The following DDX60L variants were observed in gnomAD, a reference collection of about 807,000 sequenced individuals.
DDX60L encodes the protein probable ATP-dependent RNA helicase DDX60-like.
In DDX60L, 191 loss-of-function variants were observed where a neutral mutation model predicts 211.6. That is an observed-to-expected ratio of 0.90 (90% confidence interval 0.80 to 1.02). The LOEUF (loss-of-function observed/expected upper bound fraction) is 1.02. Ranked by LOEUF, DDX60L falls within the 50% of genes least tolerant of loss-of-function variation. The probability of loss-of-function intolerance (pLI) is 0.00; values close to 1 mark genes in which losing one functional copy is unlikely to be tolerated. For missense variants in DDX60L, 2,007 were observed against 1,984.1 expected (o/e 1.01, Z -0.22); for synonymous variants, 706 against 694.1 (o/e 1.02, Z -0.27).
Position 168,465,674 on chromosome 4 carries a change from T to C in DDX60L, c.265-3634A>G, listed in dbSNP as rs528978394. ...TCCATTTTGAATTGATTTTTTAATA[T>C]AGTGAAAGTGAGGGTTCAGTTTCAT... On this transcript the variant is annotated intron_variant, in intron 4 of 37. Coordinates refer to ENST00000682922, the MANE Select transcript of DDX60L (RefSeq NM_001012967.3). Among the ~76,000 whole-genome samples the C allele has an allele frequency of 3.3e-5, 5 of 152,284 alleles. No homozygotes were observed. In the South Asian group the frequency reaches 1.0e-3, roughly 32 times the overall value.
At chr4:168,430,669 G>A (rs1752205595) in intron 12 of DDX60L, 31 bp from the exon 13 acceptor site, 5 of 1,453,612 alleles carry the variant, frequency 3.4e-6, no homozygotes, top group Non-Finnish European at 4.6e-6. Context: ...ATGTAAACAT[G>A]TATTTTAAAA....
In DDX60L at chr4:168,421,015, A is replaced by G. The variant is rs867183250; in HGVS notation, c.2395-635T>C. 2.6e-5 allele frequency among the ~76,000 whole-genome samples: 4 copies of G among 152,208 alleles called. No homozygotes were observed. In the South Asian group the frequency reaches 8.3e-4, roughly 32 times the overall value. On this transcript the variant is annotated intron_variant, in intron 17 of 37. Coordinates refer to ENST00000682922, the MANE Select transcript of DDX60L (RefSeq NM_001012967.3). ...ATCCAGCATTTCAGGTATTTTACACAAAGAGATTTTTCTGTTGACCTATAT... is the reference window on the plus strand; with the variant it reads ...ATCCAGCATTTCAGGTATTTTACACGAAGAGATTTTTCTGTTGACCTATAT...
intron 9 of DDX60L, among the ~76,000 whole-genome samples, chr4:168,446,902 A>C (rs1329838918): frequency 9.2e-6 from 1 of 108,178 alleles, no homozygotes. Context: ...AAAGACTTAA[A>C]CGTTAGACCT....
chr4:168,469,674 T>C (rs10004570), intron 4 of DDX60L: 109,430 of 151,978 alleles, frequency 0.72, 40,655 homozygotes, highest in East Asian at 0.88. Flanking sequence ...GTCCGGAGAT[T>C]GAGACCATCC....
intron 17 of DDX60L, 34 bp from the exon 18 acceptor site, chr4:168,420,414 A>C: frequency 1.3e-6 from 2 of 1,580,860 alleles, no homozygotes; most frequent in Non-Finnish European, 1.7e-6. Context: ...TTAGTCACTT[A>C]GTAGAGAAGA....
intron 28 of DDX60L, among the ~76,000 whole-genome samples, chr4:168,393,818 T>C (rs1481671843): frequency 6.6e-6 from 1 of 152,220 alleles, no homozygotes; most frequent in Non-Finnish European, 1.5e-5. Flanking sequence ...TGTATAGTCA[T>C]TTATACTAAA....
intron 13 of DDX60L, among the ~76,000 whole-genome samples, chr4:168,427,722 T>G (rs1360453600): frequency 1.3e-5 from 2 of 152,198 alleles, no homozygotes; most frequent in Non-Finnish European, 2.9e-5. Context: ...CAGATCCCAC[T>G]CGCTCTTTGG....
At chr4:168,390,639 G>GT (rs34009039) in intron 29 of DDX60L, 294,063 of 447,034 alleles carry the variant, frequency 0.66, 78,651 homozygotes, top group Admixed American at 0.72. Flanking sequence ...ATTATTGTCA[G>GT]TTTTTTTTTT....
chr4:168,447,574 T>C (rs1041915013), intron 9 of DDX60L, among the ~76,000 whole-genome samples: 5 of 151,934 alleles, frequency 3.3e-5, no homozygotes, highest in African/African-American at 7.2e-5. Flanking sequence ...TATAAAGACA[T>C]ATGCACACAT....
chr4:168,410,843 G>A (rs145147864), intron 22 of DDX60L, among the ~76,000 whole-genome samples: 6 of 152,242 alleles, frequency 3.9e-5, no homozygotes, highest in East Asian at 1.9e-4. Context: ...TGGGAACTTC[G>A]GACATGAATG....
At chr4:168,361,322 C>T (rs1282199003) in intron 36 of DDX60L, 111 bp from the exon 37 acceptor site, 3 of 660,544 alleles carry the variant, frequency 4.5e-6, no homozygotes, top group Non-Finnish European at 5.3e-6. Context: ...CTGCCAAATG[C>T]ACTCCCAGTT....
chr4:168,377,773 C>T lies in DDX60L; in HGVS notation c.4485+581G>A, dbSNP rs374162510. ...AGGGTTACTGGATAGAAACAAGCTT[C>T]TTCTACATTCCCAGGTTCTAATGCA... On this transcript the variant is annotated intron_variant, in intron 33 of 37. Coordinates refer to ENST00000682922, the MANE Select transcript of DDX60L (RefSeq NM_001012967.3). 9.9e-5 allele frequency: 15 copies of T among 152,196 alleles called. 1 individual carries two copies. The highest frequency in any genetic ancestry group is 3.1e-4 in the African/African-American group (13 of 41,522). The allele number at this position is 152,196 out of a possible 1,614,324, so 9.4% of individuals were successfully genotyped here.
intron 1 of DDX60L, among the ~76,000 whole-genome samples, chr4:168,479,981 C>CAAAA (rs60737462): frequency 4.0e-5 from 4 of 100,866 alleles, no homozygotes; most frequent in Non-Finnish European, 6.0e-5. Flanking sequence ...GAGACTGACT[C>CAAAA]AAAAAAAAAA....
At chr4:168,462,929 G>A (rs747062277) in intron 4 of DDX60L, among the ~76,000 whole-genome samples, 1 of 152,010 alleles carries the variant, frequency 6.6e-6, no homozygotes, top group South Asian at 2.1e-4. Context: ...ACCATCTCAC[G>A]CCAGTCAGAT....
At chr4:168,459,774 G>GGGAA (rs70961524) in intron 5 of DDX60L, among the ~76,000 whole-genome samples, 571 of 56,902 alleles carry the variant, frequency 0.01, 10 homozygotes, top group Non-Finnish European at 0.014. Flanking sequence ...GAAGGAAGGA[G>GGGAA]GGAAGGAAGG....
intron 19 of DDX60L, among the ~76,000 whole-genome samples, chr4:168,417,522 T>C (rs1259741809): frequency 2.6e-5 from 4 of 152,232 alleles, no homozygotes; most frequent in Non-Finnish European, 5.9e-5. Flanking sequence ...TGCTCCAAAG[T>C]TGTTGTTCTT....
At chr4:168,390,476 CT>C in intron 29 of DDX60L, 1 of 1,381,128 alleles carries the variant, frequency 7.2e-7, no homozygotes, top group Non-Finnish European at 9.3e-7. Flanking sequence ...AGATAAACTC[CT>C]TTTCTCTGTA....
chr4:168,442,670 C>A (rs1278900922), intron 9 of DDX60L, among the ~76,000 whole-genome samples: 1 of 151,782 alleles, frequency 6.6e-6, no homozygotes, highest in East Asian at 1.9e-4. Flanking sequence ...CAGCACGCAG[C>A]TGGAGATCTG....
chr4:168,387,282 G>A (rs1744072055), intron 29 of DDX60L, among the ~76,000 whole-genome samples: 1 of 152,202 alleles, frequency 6.6e-6, no homozygotes. Context: ...AAGATAAACT[G>A]TGGTTGGAAA....
Sources: allele counts gnomAD v4.1 joint callset (sites outside exome capture counted in the v4.1 genomes callset), GRCh38; gene constraint gnomAD v4.1.1; transcripts MANE v1.5; gene names NCBI Gene and HGNC (gene_info 2026-07-23, HGNC 2026-07-21).